LRRTM4: variants seen among roughly 807,000 people sequenced by gnomAD.
The protein encoded by LRRTM4 is leucine rich repeat transmembrane neuronal 4, also known as leucine-rich repeat transmembrane neuronal protein 4.
Under a neutral mutation model 47.6 loss-of-function variants are expected in LRRTM4, and 25 were observed. The observed-to-expected ratio is 0.53, with a 90% confidence interval of 0.38 to 0.73. The LOEUF (loss-of-function observed/expected upper bound fraction) is 0.73, where lower values mean the gene tolerates loss of function less well. LRRTM4 is among the 30% of genes least tolerant of loss of function. The pLI, the probability that LRRTM4 is intolerant of heterozygous loss-of-function variation, is 0.00. For synonymous variants in LRRTM4, 311 were observed against 269.5 expected (o/e 1.15, Z -1.51); for missense variants, 638 against 713.4 (o/e 0.89, Z 1.20).
At chr2:77,041,267 G>T (rs1679023568) in intron 3 of LRRTM4, among the ~76,000 whole-genome samples, 2 of 151,420 alleles carry the variant, frequency 1.3e-5, no homozygotes, top group South Asian at 4.2e-4. Context: ...TCTTTCTTAT[G>T]GCCAAATAGT....
chr2:76,836,921 A>T (rs1671532149), intron 3 of LRRTM4, among the ~76,000 whole-genome samples: 1 of 152,306 alleles, frequency 6.6e-6, no homozygotes, highest in Admixed American at 6.6e-5. Context: ...ATATTTTCAC[A>T]AAAATTTAGT....
At chr2:77,166,157 A>C (rs12185574) in intron 3 of LRRTM4, among the ~76,000 whole-genome samples, 70,235 of 152,034 alleles carry the variant, frequency 0.46, 18,210 homozygotes, top group Admixed American at 0.58. Context: ...ATTCCTATAC[A>C]CCAATGACAG....
intron 3 of LRRTM4, among the ~76,000 whole-genome samples, chr2:77,398,952 G>A (rs140480021): frequency 8.4e-4 from 128 of 151,798 alleles, no homozygotes; most frequent in Non-Finnish European, 1.6e-3. Flanking sequence ...GGTTGGTAGG[G>A]GGAAGGTAGA....
At chr2:77,135,272 G>A (rs1293746935) in intron 3 of LRRTM4, among the ~76,000 whole-genome samples, 3 of 152,120 alleles carry the variant, frequency 2.0e-5, no homozygotes, top group South Asian at 2.1e-4. Context: ...GCAGACTCAC[G>A]TGTTCCTTCT....
intron 3 of LRRTM4, among the ~76,000 whole-genome samples, chr2:77,174,640 GT>G (rs1008255538): frequency 3.3e-5 from 5 of 151,420 alleles, no homozygotes; most frequent in African/African-American, 1.2e-4. Context: ...CTGCCTGGTT[GT>G]TTTTTTTGTT....
At chr2:76,964,309 TTTG>T (rs1273768470) in intron 3 of LRRTM4, among the ~76,000 whole-genome samples, 1 of 151,124 alleles carries the variant, frequency 6.6e-6, no homozygotes, top group African/African-American at 2.4e-5. Context: ...TAGTGTCTGC[TTTG>T]TTGAGTGTAA....
At chr2:76,902,003 T>C (rs990549610) in intron 3 of LRRTM4, among the ~76,000 whole-genome samples, 7 of 152,196 alleles carry the variant, frequency 4.6e-5, no homozygotes, top group African/African-American at 1.7e-4. Flanking sequence ...GGTATCATTA[T>C]CCTTCCTATG....
At chr2:77,091,421 A>G (rs940243686) in intron 3 of LRRTM4, among the ~76,000 whole-genome samples, 1 of 148,970 alleles carries the variant, frequency 6.7e-6, no homozygotes, top group Non-Finnish European at 1.5e-5. Flanking sequence ...CTGCTACAGC[A>G]TGGCCTTTTA....
At chr2:76,749,160 A>G (rs1672758643) in intron 3 of LRRTM4, among the ~76,000 whole-genome samples, 1 of 152,166 alleles carries the variant, frequency 6.6e-6, no homozygotes, top group Non-Finnish European at 1.5e-5. Flanking sequence ...TGCTCTAGCT[A>G]GCTAGCTAGC....
intron 3 of LRRTM4, among the ~76,000 whole-genome samples, chr2:77,003,811 G>C (rs1194866253): frequency 6.6e-6 from 1 of 152,152 alleles, no homozygotes; most frequent in Non-Finnish European, 1.5e-5. Flanking sequence ...GGGCTCAGAA[G>C]ACAGAAACAT....
At chr2:77,109,987 A>G (rs1277508414) in intron 3 of LRRTM4, among the ~76,000 whole-genome samples, 1 of 152,124 alleles carries the variant, frequency 6.6e-6, no homozygotes, top group African/African-American at 2.4e-5. Context: ...AAGACAAGGA[A>G]AGAAAATACA....
chr2:77,189,983 A>C (rs2103876203), intron 3 of LRRTM4, among the ~76,000 whole-genome samples: 1 of 152,264 alleles, frequency 6.6e-6, no homozygotes, highest in East Asian at 1.9e-4. Flanking sequence ...AGAAATAGTT[A>C]AATGAGATAC....
At chr2:77,075,786 G>A (rs1395624130) in intron 3 of LRRTM4, among the ~76,000 whole-genome samples, 1 of 148,154 alleles carries the variant, frequency 6.7e-6, no homozygotes, top group African/African-American at 2.5e-5. Flanking sequence ...GTAGTGGCGG[G>A]CGCCTGTAGT....
At chr2:77,401,557 A>T (rs1172502381) in intron 3 of LRRTM4, among the ~76,000 whole-genome samples, 1 of 151,920 alleles carries the variant, frequency 6.6e-6, no homozygotes, top group East Asian at 1.9e-4. Context: ...TAGCACATAG[A>T]ACAGTTCCTG....
intron 3 of LRRTM4, among the ~76,000 whole-genome samples, chr2:76,798,232 G>C (rs550559708): frequency 6.6e-6 from 1 of 152,198 alleles, no homozygotes; most frequent in East Asian, 1.9e-4. Context: ...TAAAAGAGCA[G>C]AGATTATAAC....
intron 3 of LRRTM4, among the ~76,000 whole-genome samples, chr2:76,844,819 G>A (rs776585057): frequency 1.3e-5 from 2 of 152,104 alleles, no homozygotes; most frequent in Admixed American, 6.5e-5. Context: ...TACATATTGT[G>A]TAGCTGGATT....
At chr2:77,093,015 AGCTCCTTTATAGAC>A (rs1453222091) in intron 3 of LRRTM4, among the ~76,000 whole-genome samples, 1 of 146,482 alleles carries the variant, frequency 6.8e-6, no homozygotes, top group Non-Finnish European at 1.5e-5. Flanking sequence ...AGCCCATTTA[AGCTCCTTTATAGAC>A]GCTCCTTTTA....
At chr2:77,032,998 T>C (rs2104146409) in intron 3 of LRRTM4, among the ~76,000 whole-genome samples, 1 of 152,106 alleles carries the variant, frequency 6.6e-6, no homozygotes, top group Non-Finnish European at 1.5e-5. Context: ...GTGTTTTAAC[T>C]CCCAGTAGAA....
At chr2:77,520,390 C>T (rs1245689766) in intron 2 of LRRTM4, among the ~76,000 whole-genome samples, 1 of 152,024 alleles carries the variant, frequency 6.6e-6, no homozygotes, top group Non-Finnish European at 1.5e-5. Flanking sequence ...GTACTTATTG[C>T]ATAATAGGAT....
Sources: gnomAD v4.1 joint callset for allele counts (sites outside exome capture counted in the v4.1 genomes callset) on GRCh38, gnomAD v4.1.1 for gene constraint, MANE v1.5 for transcripts, NCBI Gene and HGNC (gene_info 2026-07-23, HGNC 2026-07-21) for gene names.